The following TRNT1 variants were observed in gnomAD, a reference collection of about 807,000 sequenced individuals.
The protein encoded by TRNT1 is tRNA nucleotidyl transferase 1.
In TRNT1, 44 loss-of-function variants were observed where a neutral mutation model predicts 45.6. The observed-to-expected ratio is 0.97, with a 90% CI of 0.76 to 1.24. The LOEUF (loss-of-function observed/expected upper bound fraction) is 1.24. Among genes scored for constraint, TRNT1 ranks in the 50% most tolerant of loss-of-function variants. TRNT1 has a pLI of 0.00. For missense variants in TRNT1, 633 were observed against 504.4 expected (o/e 1.25, Z -2.44); for synonymous variants, 201 against 171.4 (o/e 1.17, Z -1.35).
Position 3,148,257 on chromosome 3 carries a change from AG to A in TRNT1, c.*107del, listed in dbSNP as rs1280181445. ...ACTACACCAGAATAAAAGACAGTTT[AG>A]GGGACCTCTGTAGAACAACAAGGGT... is the stretch of plus-strand genomic sequence containing the variant. On this transcript the variant is annotated 3_prime_UTR_variant, in exon 8 of 8. Transcript: ENST00000251607. 6 of 1,278,312 alleles carry A rather than the reference AG, an allele frequency of 4.7e-6. No homozygotes were observed. The African/African-American group carries it at 6.0e-5, about 13-fold the overall frequency. The allele number at this position is 1,278,312 out of a possible 1,614,324, so 79.2% of individuals were successfully genotyped here. A position where few individuals can be genotyped will look rare whatever the true frequency, so the allele number is the denominator to read the frequency against.
chr3:3,140,777 G>A (rs1040062517), intron 4 of TRNT1, 129 bp downstream of exon 4: 13 of 1,240,980 alleles, frequency 1.0e-5, no homozygotes, highest in Non-Finnish European at 1.4e-5. Flanking sequence ...TGGTTTAGCA[G>A]ATTGCTTCAA....
chr3:3,139,888 G>C (rs1443917066), intron 3 of TRNT1, among the ~76,000 whole-genome samples: 2 of 151,982 alleles, frequency 1.3e-5, no homozygotes, highest in Non-Finnish European at 2.9e-5. Context: ...CACCACACCT[G>C]GCTGGTTTTT....
chr3:3,142,458 C>T (rs796953939), intron 4 of TRNT1, among the ~76,000 whole-genome samples: 17 of 152,310 alleles, frequency 1.1e-4, no homozygotes, highest in African/African-American at 4.1e-4. Flanking sequence ...AGCCTGACTC[C>T]AGAGGTCACA....
chr3:3,147,230 C>G lies in TRNT1; in HGVS notation c.803-220C>G, dbSNP rs1714327. Among the ~76,000 whole-genome samples the G allele has an allele frequency of 0.53, 80,442 of 151,990 alleles. 22,904 individuals are homozygous for G. Among genetic ancestry groups the G allele is most frequent in the Middle Eastern group, 0.7 (206 of 294 alleles). ...ACTACCCCTGGAACTCTTGATGTAGCTTTAATGGAAACAAGAACATTTTAG... is the reference window on the plus strand; with the variant it reads ...ACTACCCCTGGAACTCTTGATGTAGGTTTAATGGAAACAAGAACATTTTAG... On this transcript the variant is annotated intron_variant, in intron 6 of 7. Transcript: ENST00000251607.
At chr3:3,134,012 TAATA>T (rs1416860010) in intron 2 of TRNT1, among the ~76,000 whole-genome samples, 1 of 152,198 alleles carries the variant, frequency 6.6e-6, no homozygotes, top group African/African-American at 2.4e-5. Context: ...GAATTGCTAA[TAATA>T]ATTAACAATT....
chr3:3,150,728 C>T, downstream of TRNT1: 1 of 862,312 alleles, frequency 1.2e-6, no homozygotes, highest in Non-Finnish European at 1.8e-6. Flanking sequence ...TTAGAAACTG[C>T]AACCCTCCAA....
At chr3:3,133,570 G>A (rs1442132293) in intron 2 of TRNT1, among the ~76,000 whole-genome samples, 41 of 145,826 alleles carry the variant, frequency 2.8e-4, no homozygotes, top group African/African-American at 1.1e-3. Context: ...AAAAAAAAAT[G>A]AGAGACTATT....
At chr3:3,145,947 A>G (rs1314610994) in intron 5 of TRNT1, among the ~76,000 whole-genome samples, 1 of 151,360 alleles carries the variant, frequency 6.6e-6, no homozygotes, top group Non-Finnish European at 1.5e-5. Flanking sequence ...AGGGTGCGCA[A>G]CTAGATGAGT....
At chr3:3,152,875 T>G (rs372475435), downstream of TRNT1, 9 of 439,736 alleles carry the variant, frequency 2.0e-5, no homozygotes, top group African/African-American at 1.8e-4. Flanking sequence ...AATATAAAAC[T>G]CAAATGCTTC....
intron 1 of TRNT1, chr3:3,127,315 GGTTC>G (rs2125997688): frequency 6.6e-6 from 1 of 152,394 alleles, no homozygotes; most frequent in Admixed American, 6.5e-5. Context: ...TCAGGGCTGG[GGTTC>G]CCCAGAGCGT....
chr3:3,135,033 A>C (rs1406537299), intron 2 of TRNT1, among the ~76,000 whole-genome samples: 7 of 151,920 alleles, frequency 4.6e-5, no homozygotes, highest in Non-Finnish European at 1.0e-4. Flanking sequence ...CAGTAATTAA[A>C]AAAAAGAGAG....
chr3:3,139,425 C>T (rs1375553865), intron 3 of TRNT1, among the ~76,000 whole-genome samples: 3 of 152,304 alleles, frequency 2.0e-5, no homozygotes, highest in Admixed American at 6.5e-5. Flanking sequence ...TGATCGTTAA[C>T]GGCTTTCACT....
chr3:3,150,739 GTAATGTTATGTTTACTTAGGTAT>G (rs1406867389), downstream of TRNT1: 266 of 937,782 alleles, frequency 2.8e-4, 1 homozygote, highest in South Asian at 1.5e-3. Flanking sequence ...AACCCTCCAA[GTAATGTTATGTTTACTTAGGTAT>G]TAATGTTATG....
At chr3:3,132,585 T>C (rs1705067898) in intron 2 of TRNT1, among the ~76,000 whole-genome samples, 1 of 95,724 alleles carries the variant, frequency 1.0e-5, no homozygotes, top group Non-Finnish European at 2.1e-5. Context: ...TAATGCTAGA[T>C]GACACGTTAG....
At chr3:3,129,887 C>A in intron 2 of TRNT1, 1 of 1,550,608 alleles carries the variant, frequency 6.4e-7, no homozygotes, top group Non-Finnish European at 8.7e-7. Context: ...CAGAGCCCAG[C>A]TTGCAACCGC....
intron 2 of TRNT1, among the ~76,000 whole-genome samples, chr3:3,134,707 A>G (rs1321591961): frequency 6.6e-6 from 1 of 152,092 alleles, no homozygotes; most frequent in Non-Finnish European, 1.5e-5. Flanking sequence ...CTTACCAGTG[A>G]AGTCATTCTT....
intron 2 of TRNT1, chr3:3,136,629 G>A: frequency 2.3e-6 from 1 of 431,578 alleles, no homozygotes; most frequent in South Asian, 1.7e-5. Context: ...AAAGAAAGCA[G>A]AATTGTTTGA....
rs1022234414 is a variant in TRNT1 at position 3,146,545 on chromosome 3, C to G, written c.724C>G (p.Leu242Val). 9 of 1,613,724 alleles carry G rather than the reference C, an allele frequency of 5.6e-6. No individual in the cohort carries two copies. The highest frequency in any genetic ancestry group is 1.1e-5 in the South Asian group (1 of 91,016). ...ATCAGGAGAAAGGATTTGGGTGGAACTGAAAAAAATTCTTGTTGGTAACCA... is the reference window on the plus strand; with the variant it reads ...ATCAGGAGAAAGGATTTGGGTGGAAGTGAAAAAAATTCTTGTTGGTAACCA... ...GISGERIWVE[L>V]KKILVGNHVN... The change falls in exon 6 of 8, where the codon CTG becomes GTG. Residue 242 changes from leucine (L) to valine (V), a missense_variant. Leu to Val is a conservative substitution (Grantham distance 32). Transcript: ENST00000251607.
At chr3:3,130,205 CTATT>C in intron 2 of TRNT1, 1 of 486,856 alleles carries the variant, frequency 2.1e-6, no homozygotes, top group Non-Finnish European at 3.6e-6. Flanking sequence ...CACTGGCTAT[CTATT>C]AGATTCACCT....
Sources: gnomAD v4.1 joint callset for allele counts (sites outside exome capture counted in the v4.1 genomes callset) on GRCh38, gnomAD v4.1.1 for gene constraint, MANE v1.5 for transcripts, NCBI Gene and HGNC (gene_info 2026-07-23, HGNC 2026-07-21) for gene names.